Variants in PZP observed in about 807,000 individuals in gnomAD.
The protein encoded by PZP is PZP alpha-2-macroglobulin like, also known as pregnancy zone protein.
A neutral mutation model predicts 179.8 loss-of-function variants in PZP; 150 were observed. The observed-to-expected ratio is 0.83, with a 90% CI of 0.73 to 0.96. The LOEUF is 0.96. PZP is among the 40% of genes least tolerant of loss of function. PZP has a pLI of 0.00. For missense variants in PZP, 1,689 were observed against 1,764.0 expected (o/e 0.96, Z 0.76); for synonymous variants, 624 against 652.3 (o/e 0.96, Z 0.66).
At chr12:9,161,471 G>C (rs753284835) in intron 22 of PZP, among the ~76,000 whole-genome samples, 1 of 152,266 alleles carries the variant, frequency 6.6e-6, no homozygotes, top group East Asian at 1.9e-4. Context: ...TTTTGGCACT[G>C]TGTGACTTCC....
At chr12:9,196,965 C>T in intron 8 of PZP, 47 bp downstream of exon 8, 1 of 1,372,848 alleles carries the variant, frequency 7.3e-7, no homozygotes, top group Non-Finnish European at 1.0e-6. Context: ...TGGAGTCTCA[C>T]TGGTTGTAAA....
At position 9,196,438 on chromosome 12, in the gene PZP, G is replaced by A. The variant is rs779834817; in HGVS notation, c.984C>T (p.Asp328=). 2.5e-6 allele frequency: 4 copies of A among 1,607,692 alleles called. No individual in the cohort carries two copies. In the South Asian group the frequency reaches 4.4e-5, roughly 18 times the overall value. Residue 328 remains aspartate, a splice_region_variant and synonymous_variant, in exon 10 of 36, where the codon GAC becomes GAT. Coordinates refer to ENST00000261336, the MANE Select transcript of PZP (RefSeq NM_002864.3). The stretch of plus-strand genomic sequence containing the variant: ...TGATCCTGTTTGCAGTGACTTCCAG[G>A]TCTGAAAAATATAAAGAGTCAGTAC... The part of the protein sequence containing the change: ...VEARIREEGT[D]LEVTANRISE...
intron 22 of PZP, among the ~76,000 whole-genome samples, chr12:9,162,110 C>G (rs193217293): frequency 3.3e-5 from 5 of 152,228 alleles, no homozygotes; most frequent in Admixed American, 2.6e-4. Flanking sequence ...TACAGGCGCC[C>G]GCCACCAGGC....
At chr12:9,149,318 G>A (rs746637102) in intron 35 of PZP, among the ~76,000 whole-genome samples, 2 of 152,166 alleles carry the variant, frequency 1.3e-5, no homozygotes, top group Admixed American at 6.5e-5. Context: ...GTGAAATGTC[G>A]CTTTTAGAGA....
chr12:9,178,791 G>T (rs1322843208), intron 15 of PZP, among the ~76,000 whole-genome samples: 1 of 152,176 alleles, frequency 6.6e-6, no homozygotes, highest in Non-Finnish European at 1.5e-5. Context: ...GACACCCACT[G>T]AAGGTCTTGG....
intron 33 of PZP, 81 bp downstream of exon 33, chr12:9,151,523 T>C (rs951221370): frequency 8.5e-7 from 1 of 1,169,962 alleles, no homozygotes; most frequent in African/African-American, 1.5e-5. Flanking sequence ...GTTTTCCTCA[T>C]GTTACCGACT....
chr12:9,168,769 G>A, intron 17 of PZP, 100 bp downstream of exon 17: 2 of 860,768 alleles, frequency 2.3e-6, no homozygotes, highest in Non-Finnish European at 3.8e-6. Context: ...TTCTTTGTGT[G>A]TATAAAGTGG....
intron 1 of PZP, among the ~76,000 whole-genome samples, chr12:9,204,305 G>C (rs1320410606): frequency 6.6e-6 from 1 of 151,872 alleles, no homozygotes; most frequent in South Asian, 2.1e-4. Context: ...AAAAGTGCAC[G>C]CACACAAACA....
At chr12:9,163,603 G>A in intron 21 of PZP, 65 bp downstream of exon 21, 4 of 1,548,596 alleles carry the variant, frequency 2.6e-6, no homozygotes, top group Non-Finnish European at 3.5e-6. Context: ...GTTCTTTGTT[G>A]TCTCAAGAGT....
In PZP at chr12:9,180,964, A is replaced by G. The variant is rs749815275; in HGVS notation, c.1839+19T>C. 1.2e-6 allele frequency: 2 copies of G among 1,607,626 alleles called. No homozygotes were observed. The highest frequency in any genetic ancestry group is 8.5e-7 in the Non-Finnish European group (1 of 1,177,810). ...TCTGGAATGGCCCTTCCTGGTCCCCAAGGCCACTGGAAACTCACTGAGGAC... is the reference window on the plus strand; with the variant it reads ...TCTGGAATGGCCCTTCCTGGTCCCCGAGGCCACTGGAAACTCACTGAGGAC... On this transcript the variant is annotated intron_variant, in intron 15 of 35. Transcript: ENST00000261336.
the PZP span, among the ~76,000 whole-genome samples, chr12:9,140,300 G>GT: frequency 1.6e-4 from 24 of 152,270 alleles, no homozygotes; most frequent in Admixed American, 1.4e-3. Context: ...CCATGCTATG[G>GT]TTTTTTTCCC....
chr12:9,147,780 C>A (rs1002493057), downstream of PZP, among the ~76,000 whole-genome samples: 1 of 152,234 alleles, frequency 6.6e-6, no homozygotes, highest in Non-Finnish European at 1.5e-5. Flanking sequence ...ACCCTTCAAG[C>A]TAAGTCTTCT....
At chr12:9,140,242 CAT>C in the PZP span, among the ~76,000 whole-genome samples, 2 of 152,138 alleles carry the variant, frequency 1.3e-5, no homozygotes, top group Non-Finnish European at 2.9e-5. Context: ...AGGGTAAGAA[CAT>C]TAGTCCTAGG....
chr12:9,175,970 A>G (rs1035712330), intron 15 of PZP, among the ~76,000 whole-genome samples: 6 of 152,232 alleles, frequency 3.9e-5, no homozygotes, highest in Admixed American at 6.5e-5. Flanking sequence ...GTATAGCCAT[A>G]GGAATATAAA....
intron 10 of PZP, 102 bp from the exon 11 acceptor site, chr12:9,194,340 C>T (rs970531684): frequency 2.5e-5 from 28 of 1,114,802 alleles, no homozygotes; most frequent in Non-Finnish European, 3.2e-5. Context: ...ACAACAACCT[C>T]CCCCTCAAAA....
At chr12:9,145,107 TG>T (rs750014629), downstream of PZP, among the ~76,000 whole-genome samples, 3 of 152,230 alleles carry the variant, frequency 2.0e-5, no homozygotes, top group Non-Finnish European at 2.9e-5. Flanking sequence ...TATTTGGGTC[TG>T]TTTTTTTAAC....
At chr12:9,200,703 C>T (rs758469387) in intron 6 of PZP, among the ~76,000 whole-genome samples, 189 bp downstream of exon 6, 7 of 152,274 alleles carry the variant, frequency 4.6e-5, no homozygotes, top group South Asian at 4.1e-4. Flanking sequence ...CTTGGCAAAG[C>T]GTAATTTGCT....
chr12:9,152,837 A>T lies in PZP; in HGVS notation c.4108T>A (p.Ser1370Thr). ...GHKAHTSFQI[S>T]LTISYTGNRP... ...AGAACGTCTTACCTGATGGTCAGTG[A>T]GATCTGAAAGCTGGTGTGGGCTTTG... Residue 1370 changes from serine to threonine, a missense_variant, in exon 31 of 36, where the codon TCA (serine) becomes ACA (threonine). Transcript: ENST00000261336. 1 of 1,614,092 alleles carries T rather than the reference A, an allele frequency of 6.2e-7. No individual in the cohort carries two copies.
intron 6 of PZP, among the ~76,000 whole-genome samples, 181 bp downstream of exon 6, chr12:9,200,711 G>A (rs1944106250): frequency 6.6e-6 from 1 of 152,170 alleles, no homozygotes; most frequent in Non-Finnish European, 1.5e-5. Flanking sequence ...AGCGTAATTT[G>A]CTACTGAAAA....
Sources: gnomAD v4.1 joint callset for allele counts (sites outside exome capture counted in the v4.1 genomes callset) on GRCh38, gnomAD v4.1.1 for gene constraint, MANE v1.5 for transcripts, NCBI Gene and HGNC (gene_info 2026-07-23, HGNC 2026-07-21) for gene names.